Variants in DIP2C observed in about 807,000 individuals in gnomAD.
The protein encoded by DIP2C is disco-interacting protein 2 homolog C.
DIP2C carries 33 observed loss-of-function variants against 192.4 expected under a neutral mutation model. That is an observed-to-expected ratio of 0.17 (90% CI 0.13 to 0.23). The LOEUF is 0.23. Ranked by LOEUF, DIP2C falls within the 10% of genes least tolerant of loss-of-function variation. DIP2C has a pLI of 1.00. For missense variants in DIP2C, 1,537 were observed against 2,110.1 expected (o/e 0.73, Z 5.32); for synonymous variants, 979 against 864.1 (o/e 1.13, Z -2.33).
At chr10:350,167 T>G (rs958131153) in intron 24 of DIP2C, among the ~76,000 whole-genome samples, 1 of 152,138 alleles carries the variant, frequency 6.6e-6, no homozygotes, top group Non-Finnish European at 1.5e-5. Flanking sequence ...CACTGCAGCC[T>G]GGACCTGCTG....
chr10:548,911 C>CAAAAAAAAAAAAAAAA (rs61437915), intron 1 of DIP2C, among the ~76,000 whole-genome samples: 12 of 26,454 alleles, frequency 4.5e-4, no homozygotes, highest in African/African-American at 1.5e-3. Context: ...TAGCAGCTCA[C>CAAAAAAAAAAAAAAAA]AAAAAAAAAA....
At chr10:500,084 G>A (rs926152954) in intron 1 of DIP2C, among the ~76,000 whole-genome samples, 1 of 152,198 alleles carries the variant, frequency 6.6e-6, no homozygotes, top group East Asian at 1.9e-4. Context: ...CTCAGCAAGC[G>A]CAGACTCCTG....
intron 1 of DIP2C, among the ~76,000 whole-genome samples, chr10:648,271 A>G (rs1170497478): frequency 4.7e-5 from 7 of 149,692 alleles, no homozygotes; most frequent in Admixed American, 2.0e-4. Flanking sequence ...GAACAAAGGG[A>G]AACTGAGTCC....
chr10:291,661 C>T (rs1955503206), intron 32 of DIP2C, among the ~76,000 whole-genome samples: 1 of 152,218 alleles, frequency 6.6e-6, no homozygotes, highest in South Asian at 2.1e-4. Flanking sequence ...TGAGTTAAGA[C>T]CCGGGTCAAA....
At chr10:394,528 G>T (rs1963801380) in intron 10 of DIP2C, among the ~76,000 whole-genome samples, 1 of 151,626 alleles carries the variant, frequency 6.6e-6, no homozygotes, top group Admixed American at 6.6e-5. Context: ...CCTTCAGGGA[G>T]GAGGGAAGCC....
At chr10:336,447 G>A (rs183749681) in intron 29 of DIP2C, among the ~76,000 whole-genome samples, 140 of 152,300 alleles carry the variant, frequency 9.2e-4, no homozygotes, top group African/African-American at 3.1e-3. Flanking sequence ...CTGTTTACAC[G>A]ATGAATCACA....
intron 1 of DIP2C, among the ~76,000 whole-genome samples, chr10:599,771 C>T (rs1005752279): frequency 1.3e-5 from 2 of 152,162 alleles, no homozygotes; most frequent in Non-Finnish European, 2.9e-5. Flanking sequence ...GATGTAAATG[C>T]GGTTGTCATC....
rs117339480 is a variant in DIP2C, at chr10:436,238, G to A, written c.394+4633C>T. On this transcript the variant is annotated intron_variant, in intron 4 of 36. Transcript: ENST00000280886. The stretch of plus-strand genomic sequence containing the variant: ...TTCTACCTCCGGTTTCTCTGTGTAT[G>A]CAGTGATTGTTTGCTTAATATTGCA... Among the ~76,000 whole-genome samples, 12 of 152,298 alleles carry A rather than the reference G, an allele frequency of 7.9e-5. 1 individual carries two copies. In the East Asian group the frequency reaches 1.2e-3, roughly 15 times the overall value.
chr10:331,517 G>C (rs1334428258), intron 29 of DIP2C, among the ~76,000 whole-genome samples: 2 of 152,164 alleles, frequency 1.3e-5, no homozygotes, highest in Non-Finnish European at 2.9e-5. Flanking sequence ...CTAACTTGTA[G>C]ATTTTCTTAT....
At chr10:365,024 GAAAAGA>G (rs756786039) in intron 19 of DIP2C, 1 of 531,118 alleles carries the variant, frequency 1.9e-6, no homozygotes, top group Admixed American at 2.0e-5. Flanking sequence ...GAAGTATGCT[GAAAAGA>G]AAAATATTAA....
At chr10:617,444 C>T (rs1015264754) in intron 1 of DIP2C, among the ~76,000 whole-genome samples, 2 of 152,174 alleles carry the variant, frequency 1.3e-5, no homozygotes, top group Non-Finnish European at 2.9e-5. Flanking sequence ...GGCCATATCA[C>T]GGCATCCAGC....
chr10:387,636 G>A (rs1215921755), intron 14 of DIP2C, 109 bp downstream of exon 14: 7 of 906,172 alleles, frequency 7.7e-6, no homozygotes, highest in African/African-American at 1.7e-5. Flanking sequence ...TGTGGGGAGG[G>A]GACTCCTGTG....
intron 32 of DIP2C, among the ~76,000 whole-genome samples, chr10:301,378 A>T (rs1246205847): frequency 1.3e-5 from 2 of 152,208 alleles, no homozygotes; most frequent in Non-Finnish European, 2.9e-5. Flanking sequence ...AAGGGCCTTA[A>T]GCAGACGGTA....
chr10:671,033 T>C (rs1024716532), intron 1 of DIP2C, among the ~76,000 whole-genome samples: 2 of 152,220 alleles, frequency 1.3e-5, no homozygotes, highest in South Asian at 2.1e-4. Context: ...AGCTGGGATC[T>C]GCCCCGAGGC....
Position 524,967 on chromosome 10 carries a change from C to CAAAAAAA in DIP2C, c.86-38444_86-38438dup, listed in dbSNP as rs10652748. ...ACACAGTTTAAGACAATCACAATTT[C>CAAAAAAA]AAAAAAAAAAAAAAAAGAATCACAT... On this transcript the variant is annotated intron_variant, in intron 1 of 36. Transcript: ENST00000280886. 1.7e-3 allele frequency among the ~76,000 whole-genome samples: 188 copies of CAAAAAAA among 111,142 alleles called. 4 individuals carry two copies. Among genetic ancestry groups the CAAAAAAA allele is most frequent in the African/African-American group, 7.5e-3 (161 of 21,580 alleles). The allele number at this position is 111,142 out of a possible 152,430, so 72.9% of individuals were successfully genotyped here.
At chr10:532,263 C>A (rs1847413436) in intron 1 of DIP2C, among the ~76,000 whole-genome samples, 1 of 152,250 alleles carries the variant, frequency 6.6e-6, no homozygotes, top group African/African-American at 2.4e-5. Flanking sequence ...CCGGAAAGCC[C>A]TGCCCCCACC....
In DIP2C at chr10:651,352, C is replaced by T. The variant is rs199575227; in HGVS notation, c.85+38142G>A. 5.3e-5 allele frequency: 37 copies of T among 702,566 alleles called. No individual in the cohort carries two copies. The East Asian group carries it at 9.9e-4, about 19-fold the overall frequency. 43.5% of individuals were successfully genotyped at this position (702,566 alleles called of 1,614,324 possible). On this transcript the variant is annotated intron_variant, in intron 1 of 36. Transcript: ENST00000280886. This position sits in a 1 kb window ranked among gnomAD's most constrained non-coding sequence, Gnocchi z 4.1. Reference sequence around the variant, plus strand: ...CAGGAACCACCTACTTTTGCATCCCCAGCACTGTGCTCAGGTCCCAGGGAG... The same window carrying T: ...CAGGAACCACCTACTTTTGCATCCCTAGCACTGTGCTCAGGTCCCAGGGAG...
At chr10:419,743 G>A (rs535039291) in intron 5 of DIP2C, among the ~76,000 whole-genome samples, 8 of 152,110 alleles carry the variant, frequency 5.3e-5, no homozygotes, top group Non-Finnish European at 1.0e-4. Flanking sequence ...TCATAAAAGG[G>A]GGAGACATCA....
chr10:541,492 G>A (rs1207170619), intron 1 of DIP2C, among the ~76,000 whole-genome samples: 1 of 99,624 alleles, frequency 1.0e-5, no homozygotes, highest in Non-Finnish European at 1.9e-5. Context: ...ATCTCTCCTG[G>A]ATCCCACAGC....
Sources: allele counts gnomAD v4.1 joint callset (sites outside exome capture counted in the v4.1 genomes callset), GRCh38; gene constraint gnomAD v4.1.1; non-coding constraint Gnocchi (gnomAD v3.1); transcripts MANE v1.5; gene names NCBI Gene and HGNC (gene_info 2026-07-23, HGNC 2026-07-21).